Variants in KIF21A observed in about 807,000 individuals in gnomAD.
KIF21A encodes kinesin-like protein KIF21A.
A neutral mutation model predicts 202.9 loss-of-function variants in KIF21A; 114 were observed. The observed-to-expected ratio is 0.56, with a 90% CI of 0.48 to 0.66. The LOEUF is 0.66. KIF21A is among the 30% of genes least tolerant of loss of function. The pLI is 0.00. For missense variants in KIF21A, 1,677 were observed against 1,994.9 expected (o/e 0.84, Z 3.04); for synonymous variants, 667 against 670.8 (o/e 0.99, Z 0.09).
chr12:39,368,462 A>C (rs928374908), intron 3 of KIF21A, among the ~76,000 whole-genome samples: 2 of 152,122 alleles, frequency 1.3e-5, no homozygotes, highest in Admixed American at 1.3e-4. Flanking sequence ...AAAAATTAAC[A>C]CTTAGCATGT....
At chr12:39,371,239 A>C (rs1177030608) in intron 1 of KIF21A, among the ~76,000 whole-genome samples, 1 of 152,166 alleles carries the variant, frequency 6.6e-6, no homozygotes, top group African/African-American at 2.4e-5. Context: ...GTGTATAGAA[A>C]AGCAGAATTT....
chr12:39,333,525 T>C (rs1193281577), intron 17 of KIF21A, among the ~76,000 whole-genome samples: 1 of 152,208 alleles, frequency 6.6e-6, no homozygotes, highest in African/African-American at 2.4e-5. Flanking sequence ...ATACTTTAAT[T>C]TGATACATTT....
intron 34 of KIF21A, among the ~76,000 whole-genome samples, chr12:39,307,314 T>C (rs1372490361): frequency 6.6e-6 from 1 of 152,162 alleles, no homozygotes. Flanking sequence ...TAAGAAATTG[T>C]AATGTTTCAA....
rs755704198 is a variant in KIF21A, at chr12:39,363,668, T to A, written c.904-455A>T. Among the ~76,000 whole-genome samples, 185 of 152,292 alleles carry A rather than the reference T, an allele frequency of 1.2e-3. 1 individual carries two copies. Among genetic ancestry groups the A allele is most frequent in the African/African-American group, 3.6e-3 (151 of 41,576 alleles). ...CCTTCTTTAATCACAACAAAAAAAATCAGTATTATTTCTCTGAACAAGGTA... is the reference window on the plus strand; with the variant it reads ...CCTTCTTTAATCACAACAAAAAAAAACAGTATTATTTCTCTGAACAAGGTA... On this transcript the variant is annotated intron_variant, in intron 6 of 37. Coordinates refer to ENST00000361418, the MANE Select transcript of KIF21A (RefSeq NM_001173464.2).
chr12:39,396,947 C>T (rs1951799332), intron 1 of KIF21A, among the ~76,000 whole-genome samples: 1 of 152,010 alleles, frequency 6.6e-6, no homozygotes. Flanking sequence ...TGAAATACAC[C>T]AAACTCAAAA....
At chr12:39,346,344 T>G in intron 12 of KIF21A, 122 bp downstream of exon 12, 1 of 525,450 alleles carries the variant, frequency 1.9e-6, no homozygotes, top group Non-Finnish European at 2.9e-6. Flanking sequence ...TCAGCATTAC[T>G]TTTAGGAGCA....
rs188167419 is a variant in KIF21A at position 39,342,555 on chromosome 12, T to C, written c.1713-431A>G. 3.3e-5 allele frequency among the ~76,000 whole-genome samples: 5 copies of C among 152,308 alleles called. No individual in the cohort carries two copies. The East Asian group carries it at 9.6e-4, about 29-fold the overall frequency. On this transcript the variant is annotated intron_variant, in intron 12 of 37. Transcript: ENST00000361418. ...AACTACATTTTCACTGATGTCCTAA[T>C]ACATTTAAGAGTAAATTTAAAGTTC...
At chr12:39,325,466 G>A (rs1025165821) in intron 26 of KIF21A, among the ~76,000 whole-genome samples, 11 of 150,176 alleles carry the variant, frequency 7.3e-5, no homozygotes, top group African/African-American at 2.7e-4. Context: ...CGAGTAGCTG[G>A]GACTACAGGC....
chr12:39,349,206 CCT>C (rs1037806263), intron 11 of KIF21A, among the ~76,000 whole-genome samples: 5 of 152,168 alleles, frequency 3.3e-5, no homozygotes, highest in East Asian at 1.9e-4. Flanking sequence ...GGTTCTTTCC[CCT>C]GTCTTGCCTT....
chr12:39,329,948 G>C, intron 24 of KIF21A: 1 of 312,312 alleles, frequency 3.2e-6, no homozygotes, highest in Admixed American at 4.6e-5. Flanking sequence ...TTTTCTATAA[G>C]GAAGAGAAAG....
chr12:39,309,086 A>T (rs986751884), intron 33 of KIF21A, among the ~76,000 whole-genome samples: 1 of 152,138 alleles, frequency 6.6e-6, no homozygotes, highest in Admixed American at 6.5e-5. Flanking sequence ...CAATTAACCA[A>T]AATAACCTGC....
At chr12:39,365,746 G>A (rs371597259) in intron 6 of KIF21A, among the ~76,000 whole-genome samples, 3 of 152,148 alleles carry the variant, frequency 2.0e-5, no homozygotes, top group Non-Finnish European at 2.9e-5. Flanking sequence ...GCAGTGGCTC[G>A]CGCCTGTAAT....
intron 37 of KIF21A, among the ~76,000 whole-genome samples, chr12:39,295,605 C>A (rs1479804753): frequency 6.6e-6 from 1 of 151,732 alleles, no homozygotes; most frequent in South Asian, 2.1e-4. Context: ...TTTATCCACC[C>A]ATTCAAGCAT....
At chr12:39,439,021 A>G (rs1029526507) in intron 1 of KIF21A, among the ~76,000 whole-genome samples, 1 of 152,166 alleles carries the variant, frequency 6.6e-6, no homozygotes, top group African/African-American at 2.4e-5. Flanking sequence ...CACATTTCCT[A>G]GGAAAACAGC....
intron 1 of KIF21A, among the ~76,000 whole-genome samples, chr12:39,428,911 T>C (rs1429636418): frequency 6.7e-6 from 1 of 150,168 alleles, no homozygotes; most frequent in Non-Finnish European, 1.5e-5. Flanking sequence ...TGAGCCGGGA[T>C]GTTGTCACTG....
At chr12:39,391,390 G>A (rs1951338506) in intron 1 of KIF21A, among the ~76,000 whole-genome samples, 1 of 151,998 alleles carries the variant, frequency 6.6e-6, no homozygotes, top group Admixed American at 6.6e-5. Flanking sequence ...TTTATAGTGT[G>A]CTCCCTATGC....
intron 1 of KIF21A, among the ~76,000 whole-genome samples, chr12:39,436,448 A>ATATATATATATTTTTT (rs1387332677): frequency 2.1e-5 from 2 of 95,760 alleles, no homozygotes; most frequent in East Asian, 3.2e-4. Context: ...ATATATATAT[A>ATATATATATATTTTTT]TTTTTTTTTT....
rs1269706987 is a variant in KIF21A, at chr12:39,442,958, G to C, written c.13C>G (p.Pro5Ala). 6.6e-7 allele frequency: 1 copy of C among 1,522,968 alleles called. No individual in the cohort carries two copies. The highest frequency in any genetic ancestry group is 1.4e-5 in the African/African-American group (1 of 70,674). The allele number at this position is 1,522,968 out of a possible 1,614,324, so 94.3% of individuals were successfully genotyped here. MLGA[P>A]DESSVRVAVR... ...GCCACCCGCACGGAGCTCTCGTCCGGGGCGCCCAACATGCTGGCGGCGGGC... is the reference window on the plus strand; with the variant it reads ...GCCACCCGCACGGAGCTCTCGTCCGCGGCGCCCAACATGCTGGCGGCGGGC... The change falls in exon 1 of 38, where the codon CCG becomes GCG. Residue 5 changes from proline to alanine, a missense_variant. Pro to Ala is a conservative substitution (Grantham distance 27, BLOSUM62 -1). This residue lies in a region of KIF21A where 966 missense variants were observed against 1,180.9 expected (regional missense o/e 0.82). Transcript: ENST00000361418. The surrounding 1 kb of genome is among the most constrained non-coding windows in gnomAD (Gnocchi z 5.0).
intron 27 of KIF21A, chr12:39,322,286 G>A (rs78586188): frequency 3.0e-5 from 5 of 164,808 alleles, no homozygotes; most frequent in Non-Finnish European, 1.3e-5. Flanking sequence ...TAGGATATAG[G>A]TAATTTAGAG....
Sources: gnomAD v4.1 joint callset for allele counts (sites outside exome capture counted in the v4.1 genomes callset) on GRCh38, gnomAD v4.1.1 for gene constraint, gnomAD v4.1.1 regional missense constraint, Gnocchi (gnomAD v3.1) non-coding constraint, MANE v1.5 for transcripts, NCBI Gene and HGNC (gene_info 2026-07-23, HGNC 2026-07-21) for gene names.